The following SYNJ2 variants were observed in gnomAD, a reference collection of about 807,000 sequenced individuals.
The protein encoded by SYNJ2 is synaptojanin 2, also known as polyphosphatidylinositol phosphatase SYNJ2.
In SYNJ2, 116 loss-of-function variants were observed where a neutral mutation model predicts 141.3. The ratio of observed to expected loss-of-function variants is 0.82; its 90% CI spans 0.71 to 0.96. The LOEUF (loss-of-function observed/expected upper bound fraction) is 0.96, where lower values mean the gene tolerates loss of function less well. Ranked by LOEUF, SYNJ2 falls within the 40% of genes least tolerant of loss-of-function variation. The pLI is 0.00. For missense variants in SYNJ2, 1,873 were observed against 1,934.8 expected (o/e 0.97, Z 0.60); for synonymous variants, 745 against 777.7 (o/e 0.96, Z 0.70).
chr6:158,059,557 T>G, intron 7 of SYNJ2: 4 of 132,438 alleles, frequency 3.0e-5, no homozygotes, highest in Non-Finnish European at 5.6e-5. Context: ...ATTTCTTTTC[T>G]TTTTTTTTTT....
Position 158,070,811 on chromosome 6 carries a change from G to A in SYNJ2, c.1941-791G>A, listed in dbSNP as rs1402779806. ...TAAGTGGGCATTTGAATGCAAGCAG[G>A]CTCTGGCATTGCATAAAAGTCCTTT... On this transcript the variant is annotated intron_variant, in intron 14 of 26. Transcript: ENST00000355585. The surrounding 1 kb of genome is among the most constrained non-coding windows in gnomAD (Gnocchi z 4.0). Among the ~76,000 whole-genome samples the A allele has an allele frequency of 6.6e-6, 1 of 152,184 alleles. No individual in the cohort carries two copies. Among genetic ancestry groups the A allele is most frequent in the Non-Finnish European group, 1.5e-5 (1 of 68,036 alleles).
At chr6:158,029,177 C>A (rs1779226309) in intron 3 of SYNJ2, 151 bp downstream of exon 3, 4 of 1,031,964 alleles carry the variant, frequency 3.9e-6, no homozygotes, top group South Asian at 1.7e-5. Context: ...GCTCTCAGCA[C>A]AATGAGAGGA....
intron 5 of SYNJ2, among the ~76,000 whole-genome samples, chr6:158,044,325 G>A (rs997068778): frequency 6.6e-6 from 1 of 152,216 alleles, no homozygotes; most frequent in African/African-American, 2.4e-5. Context: ...CCCTGTGCCA[G>A]GAGCAGGTGA....
intron 15 of SYNJ2, among the ~76,000 whole-genome samples, chr6:158,073,489 T>C (rs1426716843): frequency 1.3e-5 from 2 of 152,218 alleles, no homozygotes; most frequent in African/African-American, 4.8e-5. Flanking sequence ...TGAGCCATGG[T>C]GCCTGGCCAA....
Position 158,097,565 on chromosome 6 carries a change from G to T in SYNJ2, c.*1201G>T, listed in dbSNP as rs935741933. 6.6e-6 allele frequency: 1 copy of T among 152,200 alleles called. No homozygotes were observed. Among genetic ancestry groups the T allele is most frequent in the Admixed American group, 6.5e-5 (1 of 15,282 alleles). The allele number at this position is 152,200 out of a possible 1,614,324, so 9.4% of individuals were successfully genotyped here. Reference sequence around the variant, plus strand: ...GTGAAATCTTACTGTACCGCCTGTTGTATCTGGGAGCCTCGTACAGAGGCT... The same window carrying T: ...GTGAAATCTTACTGTACCGCCTGTTTTATCTGGGAGCCTCGTACAGAGGCT... On this transcript the variant is annotated 3_prime_UTR_variant, in exon 27 of 27. Coordinates refer to ENST00000355585, the MANE Select transcript of SYNJ2 (RefSeq NM_003898.4).
chr6:157,989,929 G>T (rs953563124), intron 1 of SYNJ2, among the ~76,000 whole-genome samples: 7 of 152,160 alleles, frequency 4.6e-5, no homozygotes, highest in Non-Finnish European at 7.3e-5. Context: ...AGGAGGCTCT[G>T]CCAAGTTGGT....
intron 2 of SYNJ2, among the ~76,000 whole-genome samples, chr6:158,018,215 T>C (rs551288178): frequency 6.6e-6 from 1 of 151,938 alleles, no homozygotes; most frequent in Non-Finnish European, 1.5e-5. Context: ...CTGTCGTGGG[T>C]GGTCACAGCC....
intron 22 of SYNJ2, among the ~76,000 whole-genome samples, chr6:158,085,213 G>T (rs1023960563): frequency 6.6e-6 from 1 of 151,932 alleles, no homozygotes; most frequent in Admixed American, 6.6e-5. Context: ...TAGAGACGGG[G>T]TCTCACTATG....
At chr6:157,989,860 G>T (rs556970147) in intron 1 of SYNJ2, among the ~76,000 whole-genome samples, 2 of 152,256 alleles carry the variant, frequency 1.3e-5, no homozygotes, top group South Asian at 4.2e-4. Context: ...CTGCGGGAGG[G>T]TGCTGGGGCT....
Position 158,098,227 on chromosome 6 carries a change from C to T in SYNJ2, c.*1863C>T, listed in dbSNP as rs1452431768. 1 of 152,136 alleles carries T rather than the reference C, an allele frequency of 6.6e-6. No individual in the cohort carries two copies. The highest frequency in any genetic ancestry group is 1.5e-5 in the Non-Finnish European group (1 of 68,028). The allele number at this position is 152,136 out of a possible 1,614,324, so 9.4% of individuals were successfully genotyped here. ...CAAAGAAGCAGGGGAAAAGTAAGCT[C>T]CTCCAAAGTTGCTTGCAGTGCTGGA... On this transcript the variant is annotated 3_prime_UTR_variant, in exon 27 of 27. Transcript: ENST00000355585.
At chr6:158,077,050 C>T (rs1166993000) in intron 17 of SYNJ2, among the ~76,000 whole-genome samples, 1 of 151,090 alleles carries the variant, frequency 6.6e-6, no homozygotes, top group African/African-American at 2.4e-5. Flanking sequence ...GGCTGGAGTG[C>T]AATGGCGTGA....
rs766578940 is a variant in SYNJ2, at chr6:158,081,300, G to A, written c.2759G>A (p.Gly920Glu). The change falls in exon 19 of 27, where the codon GGG becomes GAG. Residue 920 changes from glycine to glutamate, a missense_variant. Coordinates refer to ENST00000355585, the MANE Select transcript of SYNJ2 (RefSeq NM_003898.4). ...DLRTELMQTL[G>E]SYGTIVLVRI... The stretch of plus-strand genomic sequence containing the variant: ...CGTACTGAGCTCATGCAGACCTTGG[G>A]GAGTTATGGGACAATTGTTCTTGTC... The A allele has an allele frequency of 6.2e-7, 1 of 1,614,164 alleles. No homozygotes were observed. Among genetic ancestry groups the A allele is most frequent in the East Asian group, 2.2e-5 (1 of 44,884 alleles).
At chr6:158,029,093 C>G in intron 3 of SYNJ2, 67 bp downstream of exon 3, 1 of 1,566,216 alleles carries the variant, frequency 6.4e-7, no homozygotes, top group South Asian at 1.2e-5. Context: ...CCCTGGTTGG[C>G]ATCTGAGGCC....
Position 158,064,874 on chromosome 6 carries a change from T to C in SYNJ2, c.1408T>C (p.Ser470Pro). 6.2e-7 allele frequency: 1 copy of C among 1,613,344 alleles called. No homozygotes were observed. The highest frequency in any genetic ancestry group is 8.5e-7 in the Non-Finnish European group (1 of 1,179,628). ...CCGGTCCATGTCTCGAACCATCCAGTCCAACTTCTTCGACGGGGTGAAGCA... is the reference window on the plus strand; with the variant it reads ...CCGGTCCATGTCTCGAACCATCCAGCCCAACTTCTTCGACGGGGTGAAGCA... ...GARSMSRTIQSNFFDGVKQEA... is the reference protein window; with the variant it reads ...GARSMSRTIQPNFFDGVKQEA... The change falls in exon 11 of 27, where the codon TCC becomes CCC. Residue 470 changes from serine to proline, a missense_variant. Physicochemically the swap from Ser to Pro is moderately conservative, Grantham distance 74 (BLOSUM62 -1). Transcript: ENST00000355585.
chr6:158,062,392 C>T (rs535178470), intron 8 of SYNJ2, among the ~76,000 whole-genome samples: 35 of 152,266 alleles, frequency 2.3e-4, no homozygotes, highest in African/African-American at 7.5e-4. Context: ...TCCAGCTTCT[C>T]ATCTCCCTTC....
intron 1 of SYNJ2, among the ~76,000 whole-genome samples, chr6:157,991,458 C>T (rs972137787): frequency 2.6e-5 from 4 of 152,150 alleles, no homozygotes; most frequent in African/African-American, 7.2e-5. Flanking sequence ...CTCGCATCAG[C>T]TTGGGAGGGA....
intron 5 of SYNJ2, among the ~76,000 whole-genome samples, chr6:158,047,044 C>T (rs1562355044): frequency 6.6e-6 from 1 of 152,188 alleles, no homozygotes; most frequent in East Asian, 1.9e-4. Context: ...AGAAACCATT[C>T]GCCAAGTTTG....
chr6:157,991,426 G>A (rs981368326), intron 1 of SYNJ2, among the ~76,000 whole-genome samples: 4 of 152,168 alleles, frequency 2.6e-5, no homozygotes, highest in Admixed American at 1.3e-4. Context: ...GCTGATCCAC[G>A]ACCAGCTTTG....
chr6:158,091,599 A>C (rs1783456037), intron 25 of SYNJ2, among the ~76,000 whole-genome samples: 1 of 151,758 alleles, frequency 6.6e-6, no homozygotes, highest in Admixed American at 6.6e-5. Flanking sequence ...ATACAAAAAA[A>C]TTAGCCGGGC....
Sources: gnomAD v4.1 joint callset for allele counts (sites outside exome capture counted in the v4.1 genomes callset) on GRCh38, gnomAD v4.1.1 for gene constraint, Gnocchi (gnomAD v3.1) non-coding constraint, MANE v1.5 for transcripts, NCBI Gene and HGNC (gene_info 2026-07-23, HGNC 2026-07-21) for gene names.